LARP7: variants seen among roughly 807,000 people sequenced by gnomAD.
The protein encoded by LARP7 is la-related protein 7.
LARP7 carries 52 observed loss-of-function variants against 69.3 expected under a neutral mutation model. That is an observed-to-expected ratio of 0.75 (90% CI 0.60 to 0.95). The LOEUF is 0.95. LARP7 is among the 40% of genes least tolerant of loss of function. The pLI is 0.00. For synonymous variants in LARP7, 254 were observed against 215.9 expected (o/e 1.18, Z -1.55); for missense variants, 733 against 673.0 (o/e 1.09, Z -0.99).
Position 112,646,879 on chromosome 4 carries a change from A to T in LARP7, c.476A>T (p.Tyr159Phe). The change falls in exon 5 of 13, where the codon TAT becomes TTT. Residue 159 changes from tyrosine (Y) to phenylalanine (F), a missense_variant. Coordinates refer to ENST00000344442, the MANE Select transcript of LARP7 (RefSeq NM_016648.4). ...GNVVYISIPHYKSTGDPKGFA... is the reference protein window; with the variant it reads ...GNVVYISIPHFKSTGDPKGFA... ...GTTGTTTATATAAGTATACCACATT[A>T]TAAGTCTACTGGAGATCCAAAGGGA... The T allele has an allele frequency of 6.2e-7, 1 of 1,609,834 alleles. No individual in the cohort carries two copies. Among genetic ancestry groups the T allele is most frequent in the Non-Finnish European group, 8.5e-7 (1 of 1,178,924 alleles).
At chr4:112,657,177 T>TGTGTGTGG in intron 12 of LARP7, 70 bp from the exon 13 acceptor site, 1 of 666,446 alleles carries the variant, frequency 1.5e-6, no homozygotes, top group Non-Finnish European at 2.4e-6. Context: ...GTTTTGTGTG[T>TGTGTGTGG]GTGTGTGTGT....
At chr4:112,639,351 A>C (rs1441615690) in intron 1 of LARP7, among the ~76,000 whole-genome samples, 1 of 151,514 alleles carries the variant, frequency 6.6e-6, no homozygotes, top group Non-Finnish European at 1.5e-5. Flanking sequence ...CTGAGACTAC[A>C]GGCGCCTGCC....
Position 112,657,235 on chromosome 4 carries a change from A to G in LARP7, c.1669-12A>G. ...TCCAATACATTTTAATTTTTGATTT[A>G]TTTCTCTTTAGTTAATCACCAAAGC... On this transcript the variant is annotated splice_polypyrimidine_tract_variant and intron_variant, in intron 12 of 12. Coordinates refer to ENST00000344442, the MANE Select transcript of LARP7 (RefSeq NM_016648.4). 4 of 1,483,922 alleles carry G rather than the reference A, an allele frequency of 2.7e-6. No homozygotes were observed. The highest frequency in any genetic ancestry group is 1.5e-5 in the African/African-American group (1 of 68,090). 91.9% of individuals were successfully genotyped at this position (1,483,922 alleles called of 1,614,324 possible).
chr4:112,648,593 T>G (rs781667474), intron 8 of LARP7: 3 of 487,512 alleles, frequency 6.2e-6, no homozygotes, highest in Admixed American at 4.4e-5. Context: ...CTTCAGAGTA[T>G]TTAGAGCTGA....
chr4:112,655,979 A>T (rs1220151442), intron 12 of LARP7, among the ~76,000 whole-genome samples: 1 of 152,222 alleles, frequency 6.6e-6, no homozygotes, highest in Non-Finnish European at 1.5e-5. Flanking sequence ...TAGAAAAAAA[A>T]CTAGTAGAAC....
At chr4:112,639,477 G>A (rs1038854256) in intron 1 of LARP7, among the ~76,000 whole-genome samples, 1 of 151,634 alleles carries the variant, frequency 6.6e-6, no homozygotes, top group African/African-American at 2.4e-5. Flanking sequence ...TGATCCGCCC[G>A]CCTTGGCCTC....
chr4:112,653,558 C>T (rs1341114285), intron 11 of LARP7, among the ~76,000 whole-genome samples: 4 of 152,136 alleles, frequency 2.6e-5, no homozygotes, highest in African/African-American at 9.7e-5. Context: ...GATCTCGGCT[C>T]ACTGCAACCT....
rs903085438 is a variant in LARP7 at position 112,648,914 on chromosome 4, A to G, written c.1143-621A>G. ...ACAGCTAAAACCATTACCACAAGAT[A>G]TCTTCCTCTTAAAAAAAAAAAAGAA... On this transcript the variant is annotated intron_variant, in intron 8 of 12. Transcript: ENST00000344442. Among the ~76,000 whole-genome samples, 6 of 146,144 alleles carry G rather than the reference A, an allele frequency of 4.1e-5. No individual in the cohort carries two copies. The Admixed American group carries it at 4.1e-4, about 10-fold the overall frequency.
At chr4:112,638,471 A>G (rs534575721) in intron 1 of LARP7, among the ~76,000 whole-genome samples, 68 of 152,196 alleles carry the variant, frequency 4.5e-4, no homozygotes, top group Admixed American at 1.2e-3. Context: ...CATGGAAATT[A>G]GGTTTGTCCA....
chr4:112,639,300 C>T (rs915672902), intron 1 of LARP7, among the ~76,000 whole-genome samples: 10 of 151,434 alleles, frequency 6.6e-5, no homozygotes, highest in Admixed American at 2.0e-4. Flanking sequence ...AGCTCCGCCT[C>T]CCGGATTCAC....
chr4:112,646,633 G>GA lies in LARP7; in HGVS notation c.352dup (p.Arg118LysfsTer5). On this transcript the variant is annotated frameshift_variant, in exon 4 of 13. Coordinates refer to ENST00000344442, the MANE Select transcript of LARP7 (RefSeq NM_016648.4). LOFTEE classifies it high-confidence loss of function. ...AATCCGGAGGAAAAAACCTCTGGGGGAAAGACCAAAGGATGAGGATGAACG... is the reference window on the plus strand; with the variant it reads ...AATCCGGAGGAAAAAACCTCTGGGGGAAAAGACCAAAGGATGAGGATGAACG... 1 of 1,604,866 alleles carries GA rather than the reference G, an allele frequency of 6.2e-7. No individual in the cohort carries two copies. The highest frequency in any genetic ancestry group is 8.5e-7 in the Non-Finnish European group (1 of 1,175,100).
rs1333616917 is a variant in LARP7 at position 112,654,322 on chromosome 4, T to G, written c.1668+163T>G. 7.9e-6 allele frequency: 4 copies of G among 506,670 alleles called. No homozygotes were observed. The South Asian group carries it at 9.9e-5, about 13-fold the overall frequency. The allele number at this position is 506,670 out of a possible 1,614,324, so 31.4% of individuals were successfully genotyped here. A position where few individuals can be genotyped will look rare whatever the true frequency, so the allele number is the denominator to read the frequency against. Reference sequence around the variant, plus strand: ...GGTTGGGAGGGAAAAGTCATTTCTCTAGATTTCAAAATGTATGAAATTGAA... The same window carrying G: ...GGTTGGGAGGGAAAAGTCATTTCTCGAGATTTCAAAATGTATGAAATTGAA... On this transcript the variant is annotated intron_variant, in intron 12 of 12. Coordinates refer to ENST00000344442, the MANE Select transcript of LARP7 (RefSeq NM_016648.4).
chr4:112,638,277 CTG>C (rs1188557099), intron 1 of LARP7, among the ~76,000 whole-genome samples: 1 of 152,236 alleles, frequency 6.6e-6, no homozygotes, highest in Non-Finnish European at 1.5e-5. Flanking sequence ...GCCTGGGCCA[CTG>C]AGAGAGGCTG....
chr4:112,639,536 T>TA (rs746144125), intron 1 of LARP7, among the ~76,000 whole-genome samples: 31 of 151,436 alleles, frequency 2.0e-4, no homozygotes, highest in Non-Finnish European at 2.6e-4. Context: ...GGCCAAGTGT[T>TA]ACTTTTTTTT....
intron 12 of LARP7, chr4:112,654,624 CA>C (rs2048884955): frequency 6.5e-6 from 1 of 153,036 alleles, no homozygotes; most frequent in Non-Finnish European, 1.5e-5. Context: ...GTAATACAAA[CA>C]AGCTTAAATA....
At position 112,653,189 on chromosome 4, in the gene LARP7, A is replaced by G; in HGVS notation, c.1529A>G (p.Tyr510Cys). ...GATGCTCAAGCAGTAATAAATGCCT[A>G]TACAGAAATTAACAAGAAACACTGC... is the stretch of plus-strand genomic sequence containing the variant. ...PEDAQAVINAYTEINKKHCWK... is the reference protein window; with the variant it reads ...PEDAQAVINACTEINKKHCWK... Residue 510 changes from tyrosine (Y) to cysteine (C), a missense_variant, in exon 11 of 13, where the codon TAT becomes TGT. By Grantham distance (194) the Tyr-to-Cys change is radical. Transcript: ENST00000344442. 2 of 1,604,336 alleles carry G rather than the reference A, an allele frequency of 1.2e-6. No homozygotes were observed. Among genetic ancestry groups the G allele is most frequent in the Non-Finnish European group, 8.5e-7 (1 of 1,176,504 alleles).
chr4:112,650,190 G>T, intron 9 of LARP7: 2 of 270,128 alleles, frequency 7.4e-6, no homozygotes, highest in East Asian at 7.0e-5. Context: ...CTGTTCCTTT[G>T]TTCAGGGAGA....
At chr4:112,652,306 C>G (rs892372265) in intron 10 of LARP7, among the ~76,000 whole-genome samples, 4 of 132,216 alleles carry the variant, frequency 3.0e-5, no homozygotes, top group Admixed American at 7.7e-5. Context: ...CCCCCCCCCC[C>G]ATTTAGCAAT....
intron 10 of LARP7, among the ~76,000 whole-genome samples, chr4:112,652,343 A>G (rs2048784595): frequency 1.5e-5 from 2 of 137,376 alleles, no homozygotes; most frequent in African/African-American, 2.7e-5. Context: ...AGCTTTATGA[A>G]TGGAAGTTGA....
Sources: allele counts gnomAD v4.1 joint callset (sites outside exome capture counted in the v4.1 genomes callset), GRCh38; gene constraint gnomAD v4.1.1; transcripts MANE v1.5; gene names NCBI Gene and HGNC (gene_info 2026-07-23, HGNC 2026-07-21).